The following AOAH variants were observed in gnomAD, a reference collection of about 807,000 sequenced individuals.
AOAH encodes acyloxyacyl hydrolase (neutrophil).
AOAH carries 64 observed loss-of-function variants against 92.2 expected under a neutral mutation model. The ratio of observed to expected loss-of-function variants is 0.69; its 90% CI spans 0.57 to 0.86. AOAH has a LOEUF of 0.86. Ranked by LOEUF, AOAH falls within the 40% of genes least tolerant of loss-of-function variation. The pLI is 0.00. For synonymous variants in AOAH, 263 were observed against 254.5 expected (o/e 1.03, Z -0.32); for missense variants, 656 against 694.6 (o/e 0.94, Z 0.62).
intron 1 of AOAH, among the ~76,000 whole-genome samples, chr7:36,712,832 C>G: frequency 6.6e-6 from 1 of 152,108 alleles, no homozygotes; most frequent in Non-Finnish European, 1.5e-5. Context: ...CTGAAGGAAG[C>G]ACTAAACATG....
chr7:36,594,676 G>A (rs979042148), intron 11 of AOAH: 2 of 532,394 alleles, frequency 3.8e-6, no homozygotes, highest in South Asian at 2.1e-5. Flanking sequence ...AGAACATTTG[G>A]CATCTCAAAC....
chr7:36,610,510 TTAA>T (rs747830798), intron 11 of AOAH, among the ~76,000 whole-genome samples: 3 of 141,602 alleles, frequency 2.1e-5, no homozygotes, highest in African/African-American at 5.5e-5. Flanking sequence ...TTTTTTTTTT[TTAA>T]AAAAAAAGAA....
intron 12 of AOAH, among the ~76,000 whole-genome samples, chr7:36,588,486 T>C (rs759778322): frequency 7.9e-5 from 12 of 152,260 alleles, no homozygotes; most frequent in Non-Finnish European, 1.6e-4. Flanking sequence ...AGTATAATTA[T>C]AACAGGGCTA....
At chr7:36,634,584 CCTT>C (rs1471230409) in intron 5 of AOAH, among the ~76,000 whole-genome samples, 4 of 152,194 alleles carry the variant, frequency 2.6e-5, no homozygotes, top group Admixed American at 2.0e-4. Context: ...TAAATCCCTT[CCTT>C]CTTTAACTCG....
At chr7:36,712,364 T>C (rs1033573744) in intron 1 of AOAH, among the ~76,000 whole-genome samples, 56 of 152,296 alleles carry the variant, frequency 3.7e-4, no homozygotes, top group African/African-American at 1.3e-3. Flanking sequence ...GGTTTTTTCT[T>C]AACCTTTTAA....
chr7:36,601,413 A>ATCT (rs779599793), intron 11 of AOAH, among the ~76,000 whole-genome samples: 38,353 of 151,730 alleles, frequency 0.25, 5,425 homozygotes, highest in Non-Finnish European at 0.32. Context: ...CAGGCACCAG[A>ATCT]CTGTGCTGGG....
intron 13 of AOAH, among the ~76,000 whole-genome samples, chr7:36,555,379 C>T (rs1786625931): frequency 4.6e-5 from 7 of 152,024 alleles, no homozygotes; most frequent in Admixed American, 3.3e-4. Flanking sequence ...CTGCTGGATT[C>T]GGTCTGCCAG....
chr7:36,555,522 C>T (rs1020725172), intron 13 of AOAH, among the ~76,000 whole-genome samples: 2 of 152,250 alleles, frequency 1.3e-5, no homozygotes, highest in African/African-American at 2.4e-5. Context: ...GGAGGATTCC[C>T]TCTTTTTCTA....
chr7:36,657,723 C>T (rs1207379735), intron 4 of AOAH, among the ~76,000 whole-genome samples: 2 of 152,178 alleles, frequency 1.3e-5, no homozygotes, highest in African/African-American at 2.4e-5. Context: ...CTCCAATTCC[C>T]TTGCAGCCAG....
rs766401116 is a variant in AOAH, at chr7:36,612,476, TG to T, written c.846+3903del. 1.4e-3 allele frequency among the ~76,000 whole-genome samples: 207 copies of T among 152,248 alleles called. 2 individuals carry two copies. Among genetic ancestry groups the T allele is most frequent in the Non-Finnish European group, 2.3e-3 (156 of 68,030 alleles). ...GATTTTTAGTTTCTTTCCTCATTTT[TG>T]CTCTTATAAATAAATACCTCTGTGA... On this transcript the variant is annotated intron_variant, in intron 11 of 20. Transcript: ENST00000617537.
chr7:36,712,981 A>C (rs1472142356), intron 1 of AOAH, among the ~76,000 whole-genome samples: 2 of 152,158 alleles, frequency 1.3e-5, no homozygotes, highest in East Asian at 3.8e-4. Context: ...ACACATAACA[A>C]TATTAACCTT....
chr7:36,663,421 A>T (rs1258179335), intron 3 of AOAH, among the ~76,000 whole-genome samples: 1 of 152,210 alleles, frequency 6.6e-6, no homozygotes, highest in Non-Finnish European at 1.5e-5. Context: ...ACAGTATCAT[A>T]CAGATTAGAT....
intron 11 of AOAH, among the ~76,000 whole-genome samples, chr7:36,600,906 C>T (rs565837865): frequency 1.3e-5 from 2 of 152,110 alleles, no homozygotes; most frequent in East Asian, 1.9e-4. Flanking sequence ...GTATGGAGAC[C>T]GTGTCTAATT....
chr7:36,624,035 A>G (rs1792467654), intron 6 of AOAH, among the ~76,000 whole-genome samples: 2 of 152,242 alleles, frequency 1.3e-5, no homozygotes, highest in Non-Finnish European at 2.9e-5. Context: ...ACTTTACTTC[A>G]TCTTCATCCT....
chr7:36,712,813 A>C (rs1272625674), intron 1 of AOAH, among the ~76,000 whole-genome samples: 2 of 152,192 alleles, frequency 1.3e-5, no homozygotes, highest in Admixed American at 6.5e-5. Context: ...GCCTGCCCTA[A>C]AAGAGCTCCT....
At chr7:36,640,156 A>C (rs562407422) in intron 4 of AOAH, among the ~76,000 whole-genome samples, 69 of 151,742 alleles carry the variant, frequency 4.5e-4, no homozygotes, top group Non-Finnish European at 6.0e-4. Context: ...AGGGAAATGC[A>C]CCAGCTTTTG....
intron 5 of AOAH, among the ~76,000 whole-genome samples, chr7:36,634,334 A>G (rs1562643331): frequency 6.6e-6 from 1 of 152,172 alleles, no homozygotes; most frequent in African/African-American, 2.4e-5. Flanking sequence ...CTAATCGGTT[A>G]TGTTATCTAT....
At chr7:36,570,673 C>T (rs1788074875) in intron 13 of AOAH, among the ~76,000 whole-genome samples, 2 of 152,144 alleles carry the variant, frequency 1.3e-5, no homozygotes, top group Admixed American at 1.3e-4. Context: ...TCTGCTTTTT[C>T]GATAGTGAGC....
intron 12 of AOAH, among the ~76,000 whole-genome samples, chr7:36,578,088 T>C (rs1788659040): frequency 6.6e-6 from 1 of 152,202 alleles, no homozygotes; most frequent in Admixed American, 6.5e-5. Context: ...ATATTTTAAG[T>C]GTGAGATTTT....
Sources: allele counts gnomAD v4.1 joint callset (sites outside exome capture counted in the v4.1 genomes callset), GRCh38; gene constraint gnomAD v4.1.1; transcripts MANE v1.5; gene names NCBI Gene and HGNC (gene_info 2026-07-23, HGNC 2026-07-21).